SYNPR: variants seen among roughly 807,000 people sequenced by gnomAD.
SYNPR encodes the protein synaptoporin.
A neutral mutation model predicts 32.9 loss-of-function variants in SYNPR; 23 were observed. The ratio of observed to expected loss-of-function variants is 0.70; its 90% CI spans 0.50 to 0.99. The LOEUF (loss-of-function observed/expected upper bound fraction) is 0.99, where lower values mean the gene tolerates loss of function less well. SYNPR is among the 50% of genes least tolerant of loss of function. The pLI, the probability that SYNPR is intolerant of heterozygous loss-of-function variation, is 0.00. For missense variants in SYNPR, 318 were observed against 349.3 expected (o/e 0.91, Z 0.71); for synonymous variants, 146 against 135.9 (o/e 1.07, Z -0.52).
intron 2 of SYNPR, among the ~76,000 whole-genome samples, chr3:63,418,403 C>T (rs1454435075): frequency 3.3e-5 from 5 of 152,168 alleles, no homozygotes; most frequent in Admixed American, 2.0e-4. Flanking sequence ...CTGTGTTCTT[C>T]TGAGCCCTCC....
At chr3:63,253,450 G>T (rs1287665852) in intron 2 of SYNPR, among the ~76,000 whole-genome samples, 1 of 152,162 alleles carries the variant, frequency 6.6e-6, no homozygotes, top group Non-Finnish European at 1.5e-5. Context: ...TAATTTTGAT[G>T]AATAAATCCT....
chr3:63,518,369 C>T (rs1404189700), intron 3 of SYNPR, among the ~76,000 whole-genome samples: 1 of 152,122 alleles, frequency 6.6e-6, no homozygotes, highest in East Asian at 1.9e-4. Context: ...AGGAAACAGA[C>T]ATGCTTGACC....
At chr3:63,583,527 TATA>T (rs956812670) in intron 4 of SYNPR, among the ~76,000 whole-genome samples, 2 of 152,132 alleles carry the variant, frequency 1.3e-5, no homozygotes, top group African/African-American at 4.8e-5. Flanking sequence ...AAGAAAATTT[TATA>T]ATGAGTTAGT....
At position 63,411,050 on chromosome 3, in the gene SYNPR, A is replaced by G. The variant is rs970966664; in HGVS notation, c.85-69782A>G. 5.9e-5 allele frequency among the ~76,000 whole-genome samples: 9 copies of G among 152,150 alleles called. No homozygotes were observed. The South Asian group carries it at 1.7e-3, about 28-fold the overall frequency. The stretch of plus-strand genomic sequence containing the variant: ...TTAACTACTCACTGTTCTTTAATGA[A>G]CTTGTTTTCTGCTTAATGAGCTGCA... On this transcript the variant is annotated intron_variant, in intron 2 of 5. Coordinates refer to ENST00000478300, the MANE Select transcript of SYNPR (RefSeq NM_001130003.2).
At chr3:63,264,760 T>TA (rs1384636007) in intron 2 of SYNPR, among the ~76,000 whole-genome samples, 5 of 152,116 alleles carry the variant, frequency 3.3e-5, no homozygotes, top group African/African-American at 9.7e-5. Flanking sequence ...TCAGGAAACT[T>TA]ACAATCGTAG....
intron 5 of SYNPR, among the ~76,000 whole-genome samples, chr3:63,610,939 G>C (rs974672208): frequency 6.6e-6 from 1 of 152,160 alleles, no homozygotes; most frequent in Non-Finnish European, 1.5e-5. Context: ...CAAATAATGT[G>C]ATGTGTGTGA....
intron 5 of SYNPR, among the ~76,000 whole-genome samples, chr3:63,612,139 T>G (rs558021882): frequency 6.6e-6 from 1 of 152,336 alleles, no homozygotes; most frequent in African/African-American, 2.4e-5. Flanking sequence ...AGGTAAACTC[T>G]CTAATCCTTA....
At chr3:63,356,052 C>A (rs952992741) in intron 2 of SYNPR, among the ~76,000 whole-genome samples, 5 of 152,208 alleles carry the variant, frequency 3.3e-5, no homozygotes, top group Non-Finnish European at 7.3e-5. Context: ...GGCCTTAGCT[C>A]AAGCTCATCT....
At position 63,616,863 on chromosome 3, in the gene SYNPR, C is replaced by T. The variant is rs1471353715; in HGVS notation, c.*1382C>T. ...TGATATCTGTAACCAGTTTCTGAATCCCGTTGGATAAAACTGTATTGTGAT... is the reference window on the plus strand; with the variant it reads ...TGATATCTGTAACCAGTTTCTGAATTCCGTTGGATAAAACTGTATTGTGAT... On this transcript the variant is annotated 3_prime_UTR_variant, in exon 6 of 6. Transcript: ENST00000478300. 6.6e-6 allele frequency: 1 copy of T among 152,202 alleles called. No individual in the cohort carries two copies. The highest frequency in any genetic ancestry group is 1.5e-5 in the Non-Finnish European group (1 of 68,048). 9.4% of individuals were successfully genotyped at this position (152,202 alleles called of 1,614,324 possible).
intron 3 of SYNPR, among the ~76,000 whole-genome samples, chr3:63,511,279 T>G (rs895448754): frequency 6.6e-6 from 1 of 152,094 alleles, no homozygotes; most frequent in Non-Finnish European, 1.5e-5. Context: ...GTAGTTTCTC[T>G]GTTTAACATT....
chr3:63,591,022 C>A (rs1265799853), intron 4 of SYNPR, among the ~76,000 whole-genome samples: 4 of 147,260 alleles, frequency 2.7e-5, no homozygotes, highest in African/African-American at 5.0e-5. Context: ...AACAGGCAAC[C>A]TACAACATGG....
At chr3:63,501,254 A>C (rs1263347541) in intron 3 of SYNPR, among the ~76,000 whole-genome samples, 1 of 152,132 alleles carries the variant, frequency 6.6e-6, no homozygotes, top group Non-Finnish European at 1.5e-5. Context: ...TGAGGTGGGC[A>C]GATTGCTTGA....
At chr3:63,357,043 C>A (rs779296461) in intron 2 of SYNPR, among the ~76,000 whole-genome samples, 5 of 152,210 alleles carry the variant, frequency 3.3e-5, no homozygotes, top group Non-Finnish European at 7.3e-5. Context: ...CAGATGATGA[C>A]AATAATTATT....
At chr3:63,317,121 T>A (rs1420952093) in intron 2 of SYNPR, among the ~76,000 whole-genome samples, 1 of 151,992 alleles carries the variant, frequency 6.6e-6, no homozygotes, top group Non-Finnish European at 1.5e-5. Context: ...TTAATTTTCT[T>A]AAATGTATTG....
intron 2 of SYNPR, among the ~76,000 whole-genome samples, chr3:63,256,571 G>A (rs571324665): frequency 1.3e-5 from 2 of 152,262 alleles, no homozygotes; most frequent in African/African-American, 4.8e-5. Context: ...CCATCTGTAT[G>A]TCACCATCAT....
intron 3 of SYNPR, among the ~76,000 whole-genome samples, chr3:63,546,713 GA>G (rs148191209): frequency 6.0e-5 from 9 of 150,816 alleles, no homozygotes; most frequent in Middle Eastern, 3.2e-3. Flanking sequence ...TTCCTCTTAT[GA>G]AAAAAAAAGT....
intron 3 of SYNPR, among the ~76,000 whole-genome samples, chr3:63,521,708 T>C (rs1361018152): frequency 6.6e-6 from 1 of 152,196 alleles, no homozygotes. Flanking sequence ...CAGGCAAATC[T>C]GGATCTAAGT....
intron 2 of SYNPR, among the ~76,000 whole-genome samples, chr3:63,383,636 C>T (rs2088003272): frequency 1.3e-5 from 2 of 152,144 alleles, no homozygotes; most frequent in Non-Finnish European, 2.9e-5. Flanking sequence ...CAGAGCAAGA[C>T]TCTGTCTCCA....
At position 63,494,446 on chromosome 3, in the gene SYNPR, TAC is replaced by T. The variant is rs1553641163; in HGVS notation, c.209+13494_209+13495del. On this transcript the variant is annotated intron_variant, in intron 3 of 5. Transcript: ENST00000478300. The stretch of plus-strand genomic sequence containing the variant: ...ATATATATATATACGTATATATATA[TAC>T]ACATATATATACATATATACACATA... Among the ~76,000 whole-genome samples, 704 of 106,740 alleles carry T rather than the reference TAC, an allele frequency of 6.6e-3. 36 individuals carry two copies. In the East Asian group the frequency reaches 0.11, roughly 16 times the overall value. 70.0% of individuals were successfully genotyped at this position (106,740 alleles called of 152,430 possible). A position where few individuals can be genotyped will look rare whatever the true frequency, so the allele number is the denominator to read the frequency against.
Sources: gnomAD v4.1 joint callset for allele counts (sites outside exome capture counted in the v4.1 genomes callset) on GRCh38, gnomAD v4.1.1 for gene constraint, MANE v1.5 for transcripts, NCBI Gene and HGNC (gene_info 2026-07-23, HGNC 2026-07-21) for gene names.